Variants in CATSPERG observed in about 807,000 individuals in gnomAD.
CATSPERG encodes the protein catsper channel auxiliary subunit gamma.
CATSPERG carries 115 observed loss-of-function variants against 145.0 expected under a neutral mutation model. That is an observed-to-expected ratio of 0.79 (90% CI 0.68 to 0.93). The LOEUF (loss-of-function observed/expected upper bound fraction) is 0.93. CATSPERG is among the 40% of genes least tolerant of loss of function. The pLI is 0.00. For synonymous variants in CATSPERG, 588 were observed against 589.0 expected (o/e 1.00, Z 0.02); for missense variants, 1,296 against 1,490.1 (o/e 0.87, Z 2.14).
chr19:38,354,902 T>G, intron 9 of CATSPERG, 55 bp downstream of exon 9: 2 of 1,568,046 alleles, frequency 1.3e-6, no homozygotes, highest in Non-Finnish European at 1.7e-6. Context: ...CTCTCTCACC[T>G]CCGAGAATTC....
rs1311315744 is a variant in CATSPERG, at chr19:38,346,501, T to G, written c.721T>G (p.Trp241Gly). Residue 241 changes from tryptophan to glycine, a missense_variant, in exon 7 of 29, where the codon TGG (tryptophan) becomes GGG (glycine). Coordinates refer to ENST00000409235, the MANE Select transcript of CATSPERG (RefSeq NM_021185.5). ...TGTGGGTGTCTCATCGAGGCCCTTG[T>G]GGCACACTGTGGACCAGTCACCTGT... ...YFVGVSSRPL[W>G]HTVDQSPVLI... The G allele has an allele frequency of 1.3e-6, 2 of 1,551,298 alleles. No homozygotes were observed. Among genetic ancestry groups the G allele is most frequent in the Admixed American group, 3.9e-5 (2 of 51,002 alleles).
chr19:38,341,276 T>C (rs889123020), intron 3 of CATSPERG, among the ~76,000 whole-genome samples: 2 of 152,008 alleles, frequency 1.3e-5, no homozygotes. Context: ...CTCCTGTTGT[T>C]GGGGGAGCAG....
chr19:38,344,575 A>G (rs1192113598), intron 6 of CATSPERG, among the ~76,000 whole-genome samples: 5 of 152,066 alleles, frequency 3.3e-5, no homozygotes, highest in Non-Finnish European at 7.4e-5. Context: ...CTGAGGTCCC[A>G]AAGGGATGGA....
At chr19:38,356,113 G>C (rs1010653885) in intron 9 of CATSPERG, among the ~76,000 whole-genome samples, 1 of 152,110 alleles carries the variant, frequency 6.6e-6, no homozygotes, top group Non-Finnish European at 1.5e-5. Context: ...CCATTTTTAG[G>C]TAGCTATTCC....
chr19:38,352,183 A>G (rs1157536271), intron 7 of CATSPERG, 78 bp from the exon 8 acceptor site: 9 of 1,413,310 alleles, frequency 6.4e-6, no homozygotes, highest in Non-Finnish European at 8.7e-6. Context: ...CTGTCAGAGC[A>G]GGAGCTTCCC....
At chr19:38,356,002 T>G (rs1169634776) in intron 9 of CATSPERG, among the ~76,000 whole-genome samples, 1 of 152,182 alleles carries the variant, frequency 6.6e-6, no homozygotes, top group Non-Finnish European at 1.5e-5. Flanking sequence ...GTCACCGGGT[T>G]GATATAAAGA....
At position 38,361,853 on chromosome 19, in the gene CATSPERG, TACG is replaced by T. The variant is rs1295936067; in HGVS notation, c.2089_2091del (p.Asp697del). ...CTACCTGCTGTGGCTGCACTCCGTG[TACG>T]ACAAGGTGGGCGTCCGGCGGCGGGC... is the stretch of plus-strand genomic sequence containing the variant. On this transcript the variant is annotated inframe_deletion, in exon 17 of 29. Transcript: ENST00000409235. 2.5e-6 allele frequency: 4 copies of T among 1,606,532 alleles called. No individual in the cohort carries two copies. The highest frequency in any genetic ancestry group is 1.7e-5 in the Admixed American group (1 of 59,044).
chr19:38,344,560 G>A (rs1410514708), intron 6 of CATSPERG, among the ~76,000 whole-genome samples, 192 bp downstream of exon 6: 1 of 151,980 alleles, frequency 6.6e-6, no homozygotes, highest in East Asian at 1.9e-4. Context: ...ATAAAGAGGA[G>A]AAAACTGAGG....
At position 38,337,004 on chromosome 19, in the gene CATSPERG, A is replaced by T. The variant is rs181291369; in HGVS notation, c.-14-217A>T. 3.4e-4 allele frequency: 207 copies of T among 612,664 alleles called. 1 individual carries two copies. Among genetic ancestry groups the T allele is most frequent in the Non-Finnish European group, 1.4e-5 (5 of 351,294 alleles). The allele number at this position is 612,664 out of a possible 1,614,324, so 38.0% of individuals were successfully genotyped here. A position where few individuals can be genotyped will look rare whatever the true frequency, so the allele number is the denominator to read the frequency against. ...GAGCAAGTGCAGAGGCGGAGCCAGGAACAAGAGCAGAGGCGGGGCTAAAAG... is the reference window on the plus strand; with the variant it reads ...GAGCAAGTGCAGAGGCGGAGCCAGGTACAAGAGCAGAGGCGGGGCTAAAAG... On this transcript the variant is annotated intron_variant, in intron 1 of 28. Transcript: ENST00000409235.
chr19:38,353,981 ACTC>A (rs2145087941), intron 8 of CATSPERG, among the ~76,000 whole-genome samples: 1 of 120,882 alleles, frequency 8.3e-6, no homozygotes, highest in East Asian at 2.7e-4. Context: ...ACAGAGTAAG[ACTC>A]TGTCTCAAAA....
chr19:38,352,093 G>A (rs1970152183), intron 7 of CATSPERG, among the ~76,000 whole-genome samples, 168 bp from the exon 8 acceptor site: 1 of 152,224 alleles, frequency 6.6e-6, no homozygotes, highest in East Asian at 1.9e-4. Flanking sequence ...CCATATGGGG[G>A]AGGTTTGGCT....
chr19:38,343,649 T>C lies in CATSPERG; in HGVS notation c.394T>C (p.Ser132Pro), dbSNP rs1443252635. 6.4e-7 allele frequency: 1 copy of C among 1,551,222 alleles called. No homozygotes were observed. Among genetic ancestry groups the C allele is most frequent in the Non-Finnish European group, 8.7e-7 (1 of 1,146,902 alleles). Residue 132 changes from serine to proline, a missense_variant, in exon 4 of 29, where the codon TCC becomes CCC. Ser to Pro is a moderately conservative substitution (Grantham distance 74). Coordinates refer to ENST00000409235, the MANE Select transcript of CATSPERG (RefSeq NM_021185.5). ...LKPLVLVTFQSPVNFYRWKIE... is the reference protein window; with the variant it reads ...LKPLVLVTFQPPVNFYRWKIE... ...GCCCCTGGTGCTGGTCACCTTCCAG[T>C]CCCCAGTCAACTTCTACCGCTGGAA...
At chr19:38,370,328 T>C in intron 28 of CATSPERG, 70 bp downstream of exon 28, 1 of 1,478,324 alleles carries the variant, frequency 6.8e-7, no homozygotes, top group Non-Finnish European at 9.4e-7. Context: ...ATGCTTGTTA[T>C]ACCTTCGCTC....
intron 7 of CATSPERG, chr19:38,349,703 T>C: frequency 1.3e-5 from 2 of 153,132 alleles, no homozygotes; most frequent in Non-Finnish European, 2.9e-5. Context: ...CTCGCTCTGT[T>C]GCCCAGGCTG....
intron 4 of CATSPERG, 117 bp from the exon 5 acceptor site, chr19:38,343,876 G>A: frequency 7.0e-7 from 1 of 1,425,830 alleles, no homozygotes; most frequent in South Asian, 1.3e-5. Context: ...GGCCCCAGTG[G>A]GACCCATGGC....
chr19:38,340,766 C>T (rs911950000), intron 3 of CATSPERG, among the ~76,000 whole-genome samples: 1 of 152,110 alleles, frequency 6.6e-6, no homozygotes, highest in Non-Finnish European at 1.5e-5. Context: ...ACTACAGGCT[C>T]AAGCCATCAC....
rs769361008 is a variant in CATSPERG at position 38,362,516 on chromosome 19, C to T, written c.2298C>T (p.Tyr766=). Residue 766 remains tyrosine (Y), a synonymous_variant, in exon 19 of 29, where the codon TAC becomes TAT. Coordinates refer to ENST00000409235, the MANE Select transcript of CATSPERG (RefSeq NM_021185.5). ...TTTTCCTGGACAAGGGCACTGAGTA[C>T]AGCTTCGCCATCTTCCTGTCGGCGC... ...ERIFLDKGTE[Y]SFAIFLSAQG... The T allele has an allele frequency of 1.2e-6, 2 of 1,613,820 alleles. No homozygotes were observed. Among genetic ancestry groups the T allele is most frequent in the East Asian group, 2.2e-5 (1 of 44,904 alleles).
At chr19:38,363,174 G>T (rs533251813) in intron 20 of CATSPERG, among the ~76,000 whole-genome samples, 1 of 152,250 alleles carries the variant, frequency 6.6e-6, no homozygotes, top group Admixed American at 6.5e-5. Context: ...TAGTAGCTGA[G>T]ATTACAGGTG....
intron 9 of CATSPERG, among the ~76,000 whole-genome samples, chr19:38,355,358 C>A (rs1042142576): frequency 6.9e-6 from 1 of 144,152 alleles, no homozygotes; most frequent in Non-Finnish European, 1.5e-5. Flanking sequence ...AACGAACAAA[C>A]AAATCCCCCA....
Sources: gnomAD v4.1 joint callset for allele counts (sites outside exome capture counted in the v4.1 genomes callset) on GRCh38, gnomAD v4.1.1 for gene constraint, MANE v1.5 for transcripts, NCBI Gene and HGNC (gene_info 2026-07-23, HGNC 2026-07-21) for gene names.